CRTAC1: variants seen among roughly 807,000 people sequenced by gnomAD.
The protein encoded by CRTAC1 is acidic secreted protein in cartilage.
A neutral mutation model predicts 67.8 loss-of-function variants in CRTAC1; 37 were observed. The ratio of observed to expected loss-of-function variants is 0.55; its 90% CI spans 0.42 to 0.72. The LOEUF is 0.72. CRTAC1 is among the 30% of genes least tolerant of loss of function. The pLI is 0.00. For missense variants in CRTAC1, 780 were observed against 931.6 expected (o/e 0.84, Z 2.12); for synonymous variants, 348 against 371.0 (o/e 0.94, Z 0.71).
At chr10:97,956,103 T>G (rs1319193601) in intron 2 of CRTAC1, among the ~76,000 whole-genome samples, 1 of 152,188 alleles carries the variant, frequency 6.6e-6, no homozygotes, top group Non-Finnish European at 1.5e-5. Flanking sequence ...CCAGATTGGA[T>G]GAAACATGTG....
At chr10:97,872,035 C>T (rs897629852) in intron 14 of CRTAC1, among the ~76,000 whole-genome samples, 58 of 152,266 alleles carry the variant, frequency 3.8e-4, no homozygotes, top group African/African-American at 1.1e-3. Context: ...TCAGAGATTG[C>T]GAGGGTCCTT....
At chr10:97,881,490 C>T (rs1016475248) in intron 13 of CRTAC1, among the ~76,000 whole-genome samples, 1 of 152,224 alleles carries the variant, frequency 6.6e-6, no homozygotes, top group East Asian at 1.9e-4. Context: ...CAGGGTCTGT[C>T]TCCCTCCACT....
At chr10:98,018,132 G>A (rs1430535193) in intron 1 of CRTAC1, among the ~76,000 whole-genome samples, 5 of 147,942 alleles carry the variant, frequency 3.4e-5, no homozygotes, top group East Asian at 2.0e-4. Flanking sequence ...CCCAGGAGGC[G>A]GAGGTTGCAG....
chr10:98,002,761 CTTTTTTTT>C lies in CRTAC1; in HGVS notation c.224+8369_224+8376del, dbSNP rs531021933. On this transcript the variant is annotated intron_variant, in intron 2 of 14. Coordinates refer to ENST00000370597, the MANE Select transcript of CRTAC1 (RefSeq NM_018058.7). Reference sequence around the variant, plus strand: ...TTTTAGGAATTCTTTACAAAACTCACTTTTTTTTTTTTTTTTTTTTTTTTTTTTTTTTT... The same window carrying C: ...TTTTAGGAATTCTTTACAAAACTCACTTTTTTTTTTTTTTTTTTTTTTTTT... Among the ~76,000 whole-genome samples the C allele has an allele frequency of 1.5e-3, 57 of 37,268 alleles. 1 individual carries two copies. Among genetic ancestry groups the C allele is most frequent in the Admixed American group, 2.4e-3 (7 of 2,914 alleles). 24.4% of individuals were successfully genotyped at this position (37,268 alleles called of 152,430 possible). A position where few individuals can be genotyped will look rare whatever the true frequency, so the allele number is the denominator to read the frequency against.
chr10:97,880,252 C>T lies in CRTAC1; in HGVS notation c.1816G>A (p.Val606Met), dbSNP rs772062581. Residue 606 changes from valine to methionine, a missense_variant, in exon 14 of 15, where the codon GTG becomes ATG. By Grantham distance (21) the Val-to-Met change is conservative. Transcript: ENST00000370597. ...YEPNEDGTAC[V>M]GTLGQSPGPR... ...CTATGGCTGGGGCCCCACTCACCCA[C>T]GCAGGCTGTGCCATCCTCGTTGGGC... The T allele has an allele frequency of 1.3e-5, 21 of 1,614,136 alleles. No individual in the cohort carries two copies. Among genetic ancestry groups the T allele is most frequent in the African/African-American group, 4.0e-5 (3 of 75,056 alleles).
At chr10:97,935,851 C>A (rs2051077777) in intron 3 of CRTAC1, among the ~76,000 whole-genome samples, 1 of 151,968 alleles carries the variant, frequency 6.6e-6, no homozygotes. Flanking sequence ...GGCAGTGGGG[C>A]TGGAGAGGAG....
chr10:97,914,942 A>G (rs2136584662), intron 5 of CRTAC1, among the ~76,000 whole-genome samples: 1 of 151,898 alleles, frequency 6.6e-6, no homozygotes, highest in African/African-American at 2.4e-5. Context: ...TGGCACTGTG[A>G]CCCAGCGGAG....
At chr10:97,933,537 G>A (rs2051034413) in intron 3 of CRTAC1, among the ~76,000 whole-genome samples, 1 of 152,220 alleles carries the variant, frequency 6.6e-6, no homozygotes, top group Admixed American at 6.5e-5. Context: ...GGGCCAAAGG[G>A]GGCCACAACA....
At chr10:97,865,759 G>A (rs1296590954) in intron 14 of CRTAC1, 45 bp from the exon 15 acceptor site, 5 of 1,522,530 alleles carry the variant, frequency 3.3e-6, no homozygotes, top group Non-Finnish European at 4.4e-6. Flanking sequence ...GCAGACCTGC[G>A]GCGGCTGCGC....
chr10:97,882,966 C>G, intron 12 of CRTAC1, 138 bp from the exon 13 acceptor site: 1 of 841,648 alleles, frequency 1.2e-6, no homozygotes, highest in South Asian at 1.6e-5. Context: ...CTGGGGGGAG[C>G]CCCCTCCCTT....
chr10:97,996,769 A>T (rs1457939008), intron 2 of CRTAC1, among the ~76,000 whole-genome samples: 1 of 152,164 alleles, frequency 6.6e-6, no homozygotes, highest in Non-Finnish European at 1.5e-5. Context: ...ATGCTGCTAT[A>T]AAGACACATG....
chr10:97,983,186 C>T (rs1564922454), intron 2 of CRTAC1, among the ~76,000 whole-genome samples: 1 of 152,204 alleles, frequency 6.6e-6, no homozygotes. Flanking sequence ...CACCAGTAGA[C>T]TCTCCTCAGT....
At chr10:97,901,725 TA>T (rs2050544943) in intron 7 of CRTAC1, 86 bp from the exon 8 acceptor site, 2 of 1,525,498 alleles carry the variant, frequency 1.3e-6, no homozygotes, top group Non-Finnish European at 9.0e-7. Flanking sequence ...TGGGGGCAAT[TA>T]AAAATAAGAG....
At chr10:97,979,371 G>A (rs543507911) in intron 2 of CRTAC1, among the ~76,000 whole-genome samples, 1 of 152,288 alleles carries the variant, frequency 6.6e-6, no homozygotes, top group African/African-American at 2.4e-5. Flanking sequence ...GAACCACCGT[G>A]GGGAAGGAAC....
At chr10:97,913,726 G>C (rs188056218) in intron 5 of CRTAC1, among the ~76,000 whole-genome samples, 1 of 152,224 alleles carries the variant, frequency 6.6e-6, no homozygotes, top group East Asian at 1.9e-4. Flanking sequence ...CCTGGCTGGG[G>C]AGCCTGTCAC....
intron 6 of CRTAC1, 133 bp downstream of exon 6, chr10:97,907,879 TG>T: frequency 2.3e-6 from 2 of 879,960 alleles, no homozygotes; most frequent in Non-Finnish European, 3.4e-6. Context: ...TTTCTCTGTG[TG>T]GTGCAGACGA....
intron 2 of CRTAC1, among the ~76,000 whole-genome samples, chr10:97,952,210 G>C (rs1402510452): frequency 1.3e-5 from 2 of 152,024 alleles, no homozygotes; most frequent in Non-Finnish European, 2.9e-5. Context: ...AAATTAGCCA[G>C]GTGTGGTGGT....
chr10:97,963,474 A>C (rs182839839), intron 2 of CRTAC1, among the ~76,000 whole-genome samples: 3 of 152,342 alleles, frequency 2.0e-5, no homozygotes, highest in East Asian at 3.9e-4. Flanking sequence ...CTATTGCAAC[A>C]GTCCGTGATG....
At position 97,882,887 on chromosome 10, in the gene CRTAC1, C is replaced by T. The variant is rs1007122607; in HGVS notation, c.1633-59G>A. 1.4e-5 allele frequency: 22 copies of T among 1,560,308 alleles called. No homozygotes were observed. In the East Asian group the frequency reaches 4.5e-4, roughly 32 times the overall value. On this transcript the variant is annotated intron_variant, in intron 12 of 14. Coordinates refer to ENST00000370597, the MANE Select transcript of CRTAC1 (RefSeq NM_018058.7). The stretch of plus-strand genomic sequence containing the variant: ...GTTGAGAAGGTCCCATCCCAGGTTC[C>T]CTCCTAGTCACAGCCACAGAGTAGT...
Sources: allele counts gnomAD v4.1 joint callset (sites outside exome capture counted in the v4.1 genomes callset), GRCh38; gene constraint gnomAD v4.1.1; transcripts MANE v1.5; gene names NCBI Gene and HGNC (gene_info 2026-07-23, HGNC 2026-07-21).